CRYGN: variants seen among roughly 807,000 people sequenced by gnomAD.
CRYGN encodes gamma-crystallin N.
In CRYGN, 17 loss-of-function variants were observed where a neutral mutation model predicts 19.2. The ratio of observed to expected loss-of-function variants is 0.89; its 90% CI spans 0.61 to 1.33. The LOEUF is 1.33. Among genes scored for constraint, CRYGN ranks in the 40% most tolerant of loss-of-function variants. The probability of loss-of-function intolerance (pLI) is 0.00; values close to 1 mark genes in which losing one functional copy is unlikely to be tolerated. For synonymous variants in CRYGN, 84 were observed against 85.8 expected, an observed-to-expected ratio of 0.98 and a Z score of 0.12; for missense variants, 239 against 239.6, an observed-to-expected ratio of 1.00 and a Z score of 0.02.
chr7:151,438,865 T>C (rs2150909871), intron 1 of CRYGN: 1 of 152,610 alleles, frequency 6.6e-6, no homozygotes, highest in East Asian at 1.9e-4. Context: ...GTATCAGATC[T>C]GGAGCTCCAT....
intron 1 of CRYGN, among the ~76,000 whole-genome samples, chr7:151,439,615 C>T (rs1307120870): frequency 6.6e-6 from 1 of 152,128 alleles, no homozygotes; most frequent in Non-Finnish European, 1.5e-5. Flanking sequence ...AAGCCTCCCC[C>T]ACCCCAAGGA....
intron 3 of CRYGN, chr7:151,432,228 G>T (rs1046932384): frequency 3.2e-6 from 4 of 1,232,026 alleles, no homozygotes; most frequent in Non-Finnish European, 4.0e-6. Flanking sequence ...TGCGGAAGTC[G>T]CCACTCTCCA....
At position 151,436,714 on chromosome 7, in the gene CRYGN, T is replaced by G; in HGVS notation, c.271-389A>C. On this transcript the variant is annotated intron_variant, in intron 2 of 3. Transcript: ENST00000337323. This position sits in a 1 kb window ranked among gnomAD's most constrained non-coding sequence, Gnocchi z 5.1. ...ACAGCCACACACTCCGGGTTCTGAC[T>G]TCCCCACCCCTGGGCCACAGCCCAT... is the stretch of plus-strand genomic sequence containing the variant. The G allele has an allele frequency of 6.3e-6, 1 of 157,946 alleles. No individual in the cohort carries two copies. Among genetic ancestry groups the G allele is most frequent in the Non-Finnish European group, 1.4e-5 (1 of 72,004 alleles). The allele number at this position is 157,946 out of a possible 1,614,324, so 9.8% of individuals were successfully genotyped here. A position where few individuals can be genotyped will look rare whatever the true frequency, so the allele number is the denominator to read the frequency against.
Position 151,429,411 on chromosome 7 carries a change from A to G in CRYGN, c.*637T>C, listed in dbSNP as rs533390604. On this transcript the variant is annotated 3_prime_UTR_variant, in exon 4 of 4. Transcript: ENST00000337323. ...CAAGGGTATACAGTTGGTACAGCAG[A>G]CATGATTGCACTCATTTCACAGAAC... 6.3e-6 allele frequency: 1 copy of G among 158,696 alleles called. No individual in the cohort carries two copies. Among genetic ancestry groups the G allele is most frequent in the South Asian group, 1.8e-4 (1 of 5,482 alleles). 9.8% of individuals were successfully genotyped at this position (158,696 alleles called of 1,614,324 possible). A position where few individuals can be genotyped will look rare whatever the true frequency, so the allele number is the denominator to read the frequency against.
chr7:151,436,358 GAGGTT>G lies in CRYGN; in HGVS notation c.271-38_271-34del. On this transcript the variant is annotated intron_variant, in intron 2 of 3. Coordinates refer to ENST00000337323, the MANE Select transcript of CRYGN (RefSeq NM_144727.3). This position sits in a 1 kb window ranked among gnomAD's most constrained non-coding sequence, Gnocchi z 5.1. ...ACCAAGCAAAAAAGAAGGAAAGAAGGAGGTTGCTGTGAATTCCCCTCTCCCAGAAA... is the reference window on the plus strand; with the variant it reads ...ACCAAGCAAAAAAGAAGGAAAGAAGGGCTGTGAATTCCCCTCTCCCAGAAA... 4.5e-6 allele frequency: 6 copies of G among 1,323,692 alleles called. No individual in the cohort carries two copies. Among genetic ancestry groups the G allele is most frequent in the African/African-American group, 1.5e-5 (1 of 67,150 alleles). 82.0% of individuals were successfully genotyped at this position (1,323,692 alleles called of 1,614,324 possible).
At position 151,436,122 on chromosome 7, in the gene CRYGN, G is replaced by A. The variant is rs1445402653; in HGVS notation, c.416+58C>T. On this transcript the variant is annotated intron_variant, in intron 3 of 3. Transcript: ENST00000337323. The surrounding 1 kb of genome is among the most constrained non-coding windows in gnomAD (Gnocchi z 5.1). Reference sequence around the variant, plus strand: ...CCCTGTGTGGCGGGCAGCCTCCCACGCCTGGTGCTGAAGGGCCTAGCCGGG... The same window carrying A: ...CCCTGTGTGGCGGGCAGCCTCCCACACCTGGTGCTGAAGGGCCTAGCCGGG... The A allele has an allele frequency of 4.5e-6, 6 of 1,330,582 alleles. No individual in the cohort carries two copies. Among genetic ancestry groups the A allele is most frequent in the Non-Finnish European group, 4.8e-6 (5 of 1,031,010 alleles). The allele number at this position is 1,330,582 out of a possible 1,614,324, so 82.4% of individuals were successfully genotyped here.
At position 151,439,867 on chromosome 7, in the gene CRYGN, G is replaced by A. The variant is rs373042087; in HGVS notation, c.21+30C>T. Reference sequence around the variant, plus strand: ...AGGGGGCGAAGGCGGAGCCCCACTCGGTTTCCTTGGGGTTGAGGGACGCAC... The same window carrying A: ...AGGGGGCGAAGGCGGAGCCCCACTCAGTTTCCTTGGGGTTGAGGGACGCAC... On this transcript the variant is annotated intron_variant, in intron 1 of 3. Coordinates refer to ENST00000337323, the MANE Select transcript of CRYGN (RefSeq NM_144727.3). The A allele has an allele frequency of 2.5e-5, 39 of 1,550,620 alleles. No homozygotes were observed. In the Middle Eastern group the frequency reaches 5.0e-4, roughly 20 times the overall value.
In CRYGN at chr7:151,438,022, T is replaced by C; in HGVS notation, c.244A>G (p.Met82Val). Residue 82 changes from methionine to valine, a missense_variant, in exon 2 of 4, where the codon ATG (methionine) becomes GTG (valine). Transcript: ENST00000337323. Reference protein sequence around the residue: ...FFRWNSHSDHMGSCRPVGMHG... With the variant: ...FFRWNSHSDHVGSCRPVGMHG... ...ATTCCTACAGGCCGACAGGAGCCCA[T>C]GTGGTCACTGTGGCTGTTCCAGCGG... 1 of 1,613,834 alleles carries C rather than the reference T, an allele frequency of 6.2e-7. No homozygotes were observed. The highest frequency in any genetic ancestry group is 8.5e-7 in the Non-Finnish European group (1 of 1,180,032).
intron 1 of CRYGN, among the ~76,000 whole-genome samples, chr7:151,439,675 G>A (rs1801712201): frequency 6.6e-6 from 1 of 152,158 alleles, no homozygotes; most frequent in Non-Finnish European, 1.5e-5. Flanking sequence ...CAGGGCGAGG[G>A]GTTGGAATCC....
chr7:151,438,314 G>T, intron 1 of CRYGN, 70 bp from the exon 2 acceptor site: 1 of 1,496,832 alleles, frequency 6.7e-7, no homozygotes, highest in Non-Finnish European at 9.0e-7. Context: ...CTGGCGTCTG[G>T]GTCCCAACAC....
At position 151,438,069 on chromosome 7, in the gene CRYGN, T is replaced by A; in HGVS notation, c.197A>T (p.His66Leu). ...DFRGQQFILE[H>L]GDYPDFFRWN... ...GCGGAAGAAGTCGGGGTAGTCGCCGTGCTCCAAGATGAACTGCTGGCCCCG... is the reference window on the plus strand; with the variant it reads ...GCGGAAGAAGTCGGGGTAGTCGCCGAGCTCCAAGATGAACTGCTGGCCCCG... The change falls in exon 2 of 4, where the codon CAC (histidine) becomes CTC (leucine). Residue 66 changes from histidine (H) to leucine (L), a missense_variant. His to Leu is a moderately conservative substitution (Grantham distance 99). Transcript: ENST00000337323. 6.2e-7 allele frequency: 1 copy of A among 1,614,100 alleles called. No homozygotes were observed.
rs1478248779 is a variant in CRYGN at position 151,433,932 on chromosome 7, C to T, written c.416+2248G>A. ...GTGGAGGCAGAACGCCAGTGCATTT[C>T]CCTCCGAGAGCCCACCAGGACACGG... On this transcript the variant is annotated intron_variant, in intron 3 of 3. Transcript: ENST00000337323. This position sits in a 1 kb window ranked among gnomAD's most constrained non-coding sequence, Gnocchi z 5.1. Among the ~76,000 whole-genome samples, 1 of 152,124 alleles carries T rather than the reference C, an allele frequency of 6.6e-6. No individual in the cohort carries two copies. The highest frequency in any genetic ancestry group is 1.5e-5 in the Non-Finnish European group (1 of 68,016).
rs989776968 is a variant in CRYGN at position 151,432,349 on chromosome 7, A to C, written c.417-2169T>G. 4.0e-5 allele frequency: 38 copies of C among 961,006 alleles called. 1 individual carries two copies. In the East Asian group the frequency reaches 1.2e-3, roughly 30 times the overall value. 59.5% of individuals were successfully genotyped at this position (961,006 alleles called of 1,614,324 possible). On this transcript the variant is annotated intron_variant, in intron 3 of 3. Coordinates refer to ENST00000337323, the MANE Select transcript of CRYGN (RefSeq NM_144727.3). Reference sequence around the variant, plus strand: ...AGTCCCCCGGGACTCCGGAGAGAAAAGCCTGCACAGCCTGGCCACCCAGCA... The same window carrying C: ...AGTCCCCCGGGACTCCGGAGAGAAACGCCTGCACAGCCTGGCCACCCAGCA...
intron 3 of CRYGN, chr7:151,432,136 G>T (rs1175794562): frequency 8.4e-7 from 1 of 1,184,884 alleles, no homozygotes; most frequent in African/African-American, 1.6e-5. Context: ...GGCCATCCCG[G>T]TGGGAGGGCT....
At position 151,439,874 on chromosome 7, in the gene CRYGN, T is replaced by A. The variant is rs200670684; in HGVS notation, c.21+23A>T. ...GAAGGCGGAGCCCCACTCGGTTTCC[T>A]TGGGGTTGAGGGACGCACTCACCTT... On this transcript the variant is annotated intron_variant, in intron 1 of 3. Coordinates refer to ENST00000337323, the MANE Select transcript of CRYGN (RefSeq NM_144727.3). The A allele has an allele frequency of 2.0e-3, 3,148 of 1,554,706 alleles. 6 individuals are homozygous for A. Among genetic ancestry groups the A allele is most frequent in the Non-Finnish European group, 2.5e-3 (2,896 of 1,150,578 alleles).
Position 151,440,118 on chromosome 7 carries a change from G to C in CRYGN, c.-201C>G, listed in dbSNP as rs1801727111. 7.4e-7 allele frequency: 1 copy of C among 1,360,222 alleles called. No individual in the cohort carries two copies. The highest frequency in any genetic ancestry group is 3.6e-5 in the Admixed American group (1 of 27,890). The allele number at this position is 1,360,222 out of a possible 1,614,324, so 84.3% of individuals were successfully genotyped here. A position where few individuals can be genotyped will look rare whatever the true frequency, so the allele number is the denominator to read the frequency against. On this transcript the variant is annotated 5_prime_UTR_variant, in exon 1 of 4. Coordinates refer to ENST00000337323, the MANE Select transcript of CRYGN (RefSeq NM_144727.3). ...CGCGAGTGCAGCCCGCCCTGCCCGGGGTCTCCCTGTGCTCTCCGCGTTTAG... is the reference window on the plus strand; with the variant it reads ...CGCGAGTGCAGCCCGCCCTGCCCGGCGTCTCCCTGTGCTCTCCGCGTTTAG...
At chr7:151,438,783 C>T (rs919673484) in intron 1 of CRYGN, 2 of 155,544 alleles carry the variant, frequency 1.3e-5, no homozygotes, top group East Asian at 1.9e-4. Context: ...GATTAATGTT[C>T]GCAAAAGAGG....
chr7:151,437,309 C>T (rs1801638449), intron 2 of CRYGN, among the ~76,000 whole-genome samples: 1 of 152,214 alleles, frequency 6.6e-6, no homozygotes, highest in African/African-American at 2.4e-5. Flanking sequence ...AGATGCACGC[C>T]CCCAGGCTCA....
At position 151,430,540 on chromosome 7, in the gene CRYGN, G is replaced by C. The variant is rs1479927562; in HGVS notation, c.417-360C>G. ...GCCATCCCCTGGCCCACCACACTCAGGCCACCACACTGTGCGACAGAATCA... is the reference window on the plus strand; with the variant it reads ...GCCATCCCCTGGCCCACCACACTCACGCCACCACACTGTGCGACAGAATCA... On this transcript the variant is annotated intron_variant, in intron 3 of 3. Transcript: ENST00000337323. This position sits in a 1 kb window ranked among gnomAD's most constrained non-coding sequence, Gnocchi z 5.2. 6.6e-6 allele frequency among the ~76,000 whole-genome samples: 1 copy of C among 152,092 alleles called. No individual in the cohort carries two copies. The highest frequency in any genetic ancestry group is 1.5e-5 in the Non-Finnish European group (1 of 68,030).
Sources: allele counts gnomAD v4.1 joint callset (sites outside exome capture counted in the v4.1 genomes callset), GRCh38; gene constraint gnomAD v4.1.1; non-coding constraint Gnocchi (gnomAD v3.1); transcripts MANE v1.5; gene names NCBI Gene and HGNC (gene_info 2026-07-23, HGNC 2026-07-21).